The following HECTD2 variants were observed in gnomAD, a reference collection of about 807,000 sequenced individuals.
HECTD2 encodes the protein probable E3 ubiquitin-protein ligase HECTD2.
A neutral mutation model predicts 103.2 loss-of-function variants in HECTD2; 35 were observed. The ratio of observed to expected loss-of-function variants is 0.34; its 90% confidence interval spans 0.26 to 0.45. HECTD2 has a LOEUF of 0.45. HECTD2 is among the 20% of genes least tolerant of loss of function. The pLI is 1.00. For missense variants in HECTD2, 596 were observed against 937.4 expected, an observed-to-expected ratio of 0.64 and a Z score of 4.76; for synonymous variants, 281 against 329.9, an observed-to-expected ratio of 0.85 and a Z score of 1.61.
At position 91,478,268 on chromosome 10, in the gene HECTD2, A is replaced by G. The variant is rs1402973717; in HGVS notation, c.665+3A>G. ...AGCCTGTTACGAGAATGGAAAGGGT[A>G]AACTAATATTTTCAATATTTAGCTA... On this transcript the variant is annotated splice_donor_region_variant and intron_variant, in intron 6 of 20. Coordinates refer to ENST00000298068, the MANE Select transcript of HECTD2 (RefSeq NM_182765.6). 4 of 1,565,198 alleles carry G rather than the reference A, an allele frequency of 2.6e-6. No individual in the cohort carries two copies. In the South Asian group the frequency reaches 4.4e-5, roughly 17 times the overall value.
chr10:91,513,743 T>C lies in HECTD2; in HGVS notation c.*1359T>C, dbSNP rs1299232266. On this transcript the variant is annotated 3_prime_UTR_variant, in exon 21 of 21. Transcript: ENST00000298068. Reference sequence around the variant, plus strand: ...TACCAGCATATGGTTCATATGCAAATAATACTTTCCCCAAAATCTTTCTGG... The same window carrying C: ...TACCAGCATATGGTTCATATGCAAACAATACTTTCCCCAAAATCTTTCTGG... 2 of 152,588 alleles carry C rather than the reference T, an allele frequency of 1.3e-5. No homozygotes were observed. The highest frequency in any genetic ancestry group is 2.9e-5 in the Non-Finnish European group (2 of 68,016). 9.5% of individuals were successfully genotyped at this position (152,588 alleles called of 1,614,324 possible). A position where few individuals can be genotyped will look rare whatever the true frequency, so the allele number is the denominator to read the frequency against.
At chr10:91,426,276 C>G (rs939499612) in intron 2 of HECTD2, among the ~76,000 whole-genome samples, 4 of 151,948 alleles carry the variant, frequency 2.6e-5, no homozygotes, top group Non-Finnish European at 5.9e-5. Flanking sequence ...TTAAATACTT[C>G]TAAGTGCCAC....
intron 2 of HECTD2, among the ~76,000 whole-genome samples, chr10:91,459,580 G>T (rs772785778): frequency 6.6e-6 from 1 of 152,028 alleles, no homozygotes; most frequent in Non-Finnish European, 1.5e-5. Context: ...GGTTACATAG[G>T]TGTGATTTCT....
chr10:91,411,080 G>A (rs1842900813), intron 1 of HECTD2, among the ~76,000 whole-genome samples: 1 of 152,184 alleles, frequency 6.6e-6, no homozygotes, highest in African/African-American at 2.4e-5. Flanking sequence ...GTTGCTGTCA[G>A]TGTAGTGGGA....
At position 91,426,733 on chromosome 10, in the gene HECTD2, A is replaced by C. The variant is rs149238846; in HGVS notation, c.268+1323A>C. Among the ~76,000 whole-genome samples, 5 of 151,854 alleles carry C rather than the reference A, an allele frequency of 3.3e-5. No individual in the cohort carries two copies. The East Asian group carries it at 9.7e-4, about 30-fold the overall frequency. On this transcript the variant is annotated intron_variant, in intron 2 of 20. Transcript: ENST00000298068. ...CAACTCGTATGCCTACAAGTTTTTG[A>C]TTGGCCATATTGACTCTCAATATGG...
At chr10:91,494,572 T>C (rs1846597232) in intron 14 of HECTD2, among the ~76,000 whole-genome samples, 1 of 152,008 alleles carries the variant, frequency 6.6e-6, no homozygotes, top group Non-Finnish European at 1.5e-5. Context: ...ACCAGATTAA[T>C]AAAAGAAAGT....
intron 16 of HECTD2, 134 bp from the exon 17 acceptor site, chr10:91,498,738 G>C: frequency 1.7e-6 from 1 of 596,358 alleles, no homozygotes; most frequent in East Asian, 2.8e-5. Flanking sequence ...AATATTGCAA[G>C]AGCTTAGCCT....
chr10:91,430,748 C>T (rs536635294), intron 2 of HECTD2, among the ~76,000 whole-genome samples: 2 of 152,200 alleles, frequency 1.3e-5, no homozygotes, highest in South Asian at 4.2e-4. Flanking sequence ...CTTCCTCCCT[C>T]CTTTTATTTT....
chr10:91,494,854 C>T (rs1322518265), intron 14 of HECTD2, among the ~76,000 whole-genome samples: 1 of 151,852 alleles, frequency 6.6e-6, no homozygotes, highest in Non-Finnish European at 1.5e-5. Flanking sequence ...TCATATATCA[C>T]AATTTAGATT....
At chr10:91,418,734 CTT>C (rs1843232416) in intron 1 of HECTD2, among the ~76,000 whole-genome samples, 1 of 152,062 alleles carries the variant, frequency 6.6e-6, no homozygotes, top group Non-Finnish European at 1.5e-5. Context: ...AAAATAGTCT[CTT>C]TGTAGACTGT....
chr10:91,432,712 G>T (rs1451872643), intron 2 of HECTD2, among the ~76,000 whole-genome samples: 16 of 151,940 alleles, frequency 1.1e-4, no homozygotes, highest in Admixed American at 1.1e-3. Context: ...GAAAAGAGTA[G>T]CTATGAACTC....
chr10:91,409,807 C>T (rs1842838898), upstream of HECTD2, among the ~76,000 whole-genome samples: 1 of 152,158 alleles, frequency 6.6e-6, no homozygotes, highest in South Asian at 2.1e-4. Context: ...AGCCCCAAGG[C>T]GGACAGCTTT....
intron 1 of HECTD2, among the ~76,000 whole-genome samples, chr10:91,415,157 T>G (rs1843070341): frequency 6.6e-6 from 1 of 151,454 alleles, no homozygotes; most frequent in Non-Finnish European, 1.5e-5. Context: ...GGACTCAGGT[T>G]TCCAGATGAG....
At chr10:91,455,031 C>T (rs932498602) in intron 2 of HECTD2, among the ~76,000 whole-genome samples, 3 of 152,116 alleles carry the variant, frequency 2.0e-5, no homozygotes, top group Non-Finnish European at 2.9e-5. Flanking sequence ...AATAAACATA[C>T]GTGTGCATGT....
At chr10:91,510,211 T>A (rs1178857738) in intron 20 of HECTD2, among the ~76,000 whole-genome samples, 2 of 152,234 alleles carry the variant, frequency 1.3e-5, no homozygotes, top group Non-Finnish European at 2.9e-5. Flanking sequence ...TAAAAGGGCA[T>A]GAATCCTTGG....
intron 20 of HECTD2, among the ~76,000 whole-genome samples, chr10:91,504,520 G>A (rs1325518212): frequency 1.3e-5 from 2 of 152,094 alleles, no homozygotes; most frequent in South Asian, 2.1e-4. Context: ...TGGAAGAAAG[G>A]GTATCAGCAA....
chr10:91,430,502 G>T (rs976078610), intron 2 of HECTD2, among the ~76,000 whole-genome samples: 3 of 152,136 alleles, frequency 2.0e-5, no homozygotes, highest in African/African-American at 7.2e-5. Context: ...CATTATTAAT[G>T]TGTGGGAGTC....
intron 20 of HECTD2, among the ~76,000 whole-genome samples, chr10:91,503,600 T>C (rs1479837630): frequency 1.3e-5 from 2 of 152,182 alleles, no homozygotes; most frequent in Non-Finnish European, 2.9e-5. Flanking sequence ...CACGAGATTA[T>C]ATCCCGCACT....
At chr10:91,478,178 T>C (rs1328198039) in intron 5 of HECTD2, 23 bp from the exon 6 acceptor site, 1 of 1,541,672 alleles carries the variant, frequency 6.5e-7, no homozygotes, top group African/African-American at 1.4e-5. Context: ...CCTAATTACC[T>C]TACTGTTTTC....
Sources: allele counts gnomAD v4.1 joint callset (sites outside exome capture counted in the v4.1 genomes callset), GRCh38; gene constraint gnomAD v4.1.1; transcripts MANE v1.5; gene names NCBI Gene and HGNC (gene_info 2026-07-23, HGNC 2026-07-21).